NRK: variants seen among roughly 807,000 people sequenced by gnomAD.
NRK encodes the protein nik-related protein kinase.
Under a neutral mutation model 125.2 loss-of-function variants are expected in NRK, and 67 were observed. The observed-to-expected ratio is 0.54, with a 90% CI of 0.44 to 0.66. The LOEUF (loss-of-function observed/expected upper bound fraction) is 0.66, where lower values mean the gene tolerates loss of function less well. Ranked by LOEUF, NRK falls within the 30% of genes least tolerant of loss-of-function variation. NRK has a pLI of 0.00. For synonymous variants in NRK, 458 were observed against 429.0 expected (o/e 1.07, Z -0.84); for missense variants, 1,224 against 1,192.9 (o/e 1.03, Z -0.38).
chrX:105,948,839 T>A (rs183903328), intron 26 of NRK: 1 of 391,100 alleles, frequency 2.6e-6, no homozygotes, highest in South Asian at 5.6e-5. Flanking sequence ...TTTTCATTTG[T>A]AGGGAAATAC....
At chrX:105,835,587 G>A (rs1349859523) in intron 2 of NRK, among the ~76,000 whole-genome samples, 1 of 108,505 alleles carries the variant, frequency 9.2e-6, no homozygotes, top group Non-Finnish European at 1.9e-5. Context: ...TAATTGTTTG[G>A]GCCCACAACT....
At chrX:105,858,908 T>TA (rs758264724) in intron 2 of NRK, among the ~76,000 whole-genome samples, 1 of 111,742 alleles carries the variant, frequency 8.9e-6, no homozygotes, top group African/African-American at 3.2e-5. Context: ...TTGGCCAGTG[T>TA]AAAACAAGAC....
At chrX:105,836,148 A>G (rs189271638) in intron 2 of NRK, among the ~76,000 whole-genome samples, 98 of 111,662 alleles carry the variant, frequency 8.8e-4, no homozygotes, top group African/African-American at 3.0e-3. Flanking sequence ...ACTTCTCTAT[A>G]GATTGAAGAA....
chrX:105,875,578 G>A (rs1013915913), intron 2 of NRK, among the ~76,000 whole-genome samples: 6 of 110,963 alleles, frequency 5.4e-5, no homozygotes, highest in African/African-American at 2.0e-4. Flanking sequence ...CTTGTTGTAG[G>A]TTGTGGAGTA....
chrX:105,903,926 T>C (rs2040189537), intron 9 of NRK, among the ~76,000 whole-genome samples: 1 of 112,206 alleles, frequency 8.9e-6, no homozygotes, highest in Admixed American at 9.5e-5. Flanking sequence ...CCTGATACTT[T>C]GTACTTGGAG....
intron 19 of NRK, among the ~76,000 whole-genome samples, chrX:105,932,950 C>T (rs1242670308): frequency 1.8e-5 from 2 of 111,114 alleles, no homozygotes; most frequent in Non-Finnish European, 3.8e-5. Flanking sequence ...ATATTGTGAA[C>T]TCTTAAAGGA....
In NRK at chrX:105,880,145, G is replaced by T. The variant is rs41309520; in HGVS notation, c.124-54G>T. On this transcript the variant is annotated intron_variant, in intron 2 of 28. Coordinates refer to ENST00000243300, the MANE Select transcript of NRK (RefSeq NM_198465.4). ...ATATTTTCTACTTTAATTGCTTCTTGATAGCTGGATTACCTAGCCAGCATT... is the reference window on the plus strand; with the variant it reads ...ATATTTTCTACTTTAATTGCTTCTTTATAGCTGGATTACCTAGCCAGCATT... The T allele has an allele frequency of 1.6e-3, 912 of 561,932 alleles. 1 individual carries two copies. The highest frequency in any genetic ancestry group is 2.3e-3 in the Non-Finnish European group (843 of 366,193). The allele number at this position is 561,932 out of a possible 1,213,427, so 46.3% of individuals were successfully genotyped here. A position where few individuals can be genotyped will look rare whatever the true frequency, so the allele number is the denominator to read the frequency against.
chrX:105,913,803 T>C (rs929243401), intron 14 of NRK, among the ~76,000 whole-genome samples: 3 of 111,461 alleles, frequency 2.7e-5, no homozygotes, highest in Non-Finnish European at 5.7e-5. Context: ...TGGTCTGGAA[T>C]GCAGTTTGTG....
chrX:105,849,348 T>C (rs1160698053), intron 2 of NRK, among the ~76,000 whole-genome samples: 7 of 111,552 alleles, frequency 6.3e-5, no homozygotes, highest in Admixed American at 4.7e-4. Context: ...ATATGAGAAT[T>C]CTGGGAGATA....
chrX:105,937,915 G>A lies in NRK; in HGVS notation c.3799+333G>A, dbSNP rs142741726. Among the ~76,000 whole-genome samples the A allele has an allele frequency of 2.0e-3, 225 of 111,349 alleles. 3 individuals carry two copies. Among genetic ancestry groups the A allele is most frequent in the African/African-American group, 7.1e-3 (217 of 30,634 alleles). ...ACTGCATCAACATCCACCATGTCCC[G>A]TTCTTGTGAGGTGTTAGAAGCAACA... On this transcript the variant is annotated intron_variant, in intron 22 of 28. Coordinates refer to ENST00000243300, the MANE Select transcript of NRK (RefSeq NM_198465.4).
chrX:105,867,334 A>AT (rs1268591095), intron 2 of NRK, among the ~76,000 whole-genome samples: 1 of 111,354 alleles, frequency 9.0e-6, no homozygotes, highest in Non-Finnish European at 1.9e-5. Flanking sequence ...TCTAAGCCAG[A>AT]TGGGGATACA....
chrX:105,914,399 C>G (rs976567053), intron 14 of NRK, among the ~76,000 whole-genome samples: 2 of 111,138 alleles, frequency 1.8e-5, no homozygotes, highest in Non-Finnish European at 3.8e-5. Flanking sequence ...TACCTTAAAC[C>G]TGACACTTTA....
At chrX:105,931,693 T>C (rs1006077966) in intron 19 of NRK, among the ~76,000 whole-genome samples, 3 of 110,947 alleles carry the variant, frequency 2.7e-5, no homozygotes, top group South Asian at 3.9e-4. Flanking sequence ...ACTCCAACAC[T>C]CTCCCTCAGA....
chrX:105,943,261 G>A (rs750964442), intron 23 of NRK, among the ~76,000 whole-genome samples: 6 of 111,582 alleles, frequency 5.4e-5, no homozygotes, highest in Non-Finnish European at 9.4e-5. Flanking sequence ...AGGTATATCC[G>A]CTTGTCCCAG....
At position 105,956,149 on chromosome X, in the gene NRK, A is replaced by G. The variant is rs751435885; in HGVS notation, c.*549A>G. On this transcript the variant is annotated 3_prime_UTR_variant, in exon 29 of 29. Coordinates refer to ENST00000243300, the MANE Select transcript of NRK (RefSeq NM_198465.4). ...CTATGGCGACAAAGGGGAAAAGGCC[A>G]CCACTCGTTTTCTCACTGATTCATG... 9.0e-6 allele frequency: 1 copy of G among 111,632 alleles called. No individual in the cohort carries two copies. Among genetic ancestry groups the G allele is most frequent in the Admixed American group, 9.6e-5 (1 of 10,436 alleles). 9.2% of individuals were successfully genotyped at this position (111,632 alleles called of 1,213,427 possible). A position where few individuals can be genotyped will look rare whatever the true frequency, so the allele number is the denominator to read the frequency against.
intron 22 of NRK, among the ~76,000 whole-genome samples, chrX:105,938,588 T>G (rs1221697639): frequency 2.7e-5 from 3 of 112,007 alleles, no homozygotes; most frequent in African/African-American, 9.7e-5. Flanking sequence ...TCTTTACTTT[T>G]TATCCAACTT....
intron 2 of NRK, among the ~76,000 whole-genome samples, chrX:105,856,595 A>G (rs1030334260): frequency 9.0e-6 from 1 of 110,970 alleles, no homozygotes; most frequent in African/African-American, 3.3e-5. Flanking sequence ...CTACCACAGG[A>G]CCGCTGACTG....
chrX:105,881,051 T>A (rs1472875388), intron 3 of NRK, among the ~76,000 whole-genome samples: 1 of 111,575 alleles, frequency 9.0e-6, no homozygotes, highest in African/African-American at 3.3e-5. Flanking sequence ...AAGAGTTGTG[T>A]GCTTCCATAG....
intron 2 of NRK, among the ~76,000 whole-genome samples, chrX:105,867,344 A>G (rs971821309): frequency 3.6e-5 from 4 of 111,475 alleles, no homozygotes; most frequent in African/African-American, 6.5e-5. Context: ...ATGGGGATAC[A>G]TGGTTTTTGA....
Sources: gnomAD v4.1 joint callset for allele counts (sites outside exome capture counted in the v4.1 genomes callset) on GRCh38, gnomAD v4.1.1 for gene constraint, MANE v1.5 for transcripts, NCBI Gene and HGNC (gene_info 2026-07-23, HGNC 2026-07-21) for gene names.